Variants in PLAC1 observed in about 807,000 individuals in gnomAD.
The protein encoded by PLAC1 is placenta-specific protein 1.
For synonymous variants in PLAC1, 68 were observed against 62.1 expected (o/e 1.09, Z -0.44); for missense variants, 136 against 163.2 (o/e 0.83, Z 0.91).
At chrX:134,762,914 C>T (rs2078774042) in intron 1 of PLAC1, among the ~76,000 whole-genome samples, 1 of 101,343 alleles carries the variant, frequency 9.9e-6, no homozygotes, top group Admixed American at 1.1e-4. Context: ...TAGATGAAAA[C>T]GCTGAAGGGG....
At chrX:134,579,327 T>C (rs1410881908) in intron 2 of PLAC1, among the ~76,000 whole-genome samples, 1 of 111,322 alleles carries the variant, frequency 9.0e-6, no homozygotes, top group East Asian at 2.8e-4. Context: ...CCTCAGGCCT[T>C]TCCACCAGCC....
At chrX:134,713,393 T>A (rs2078633898) in intron 2 of PLAC1, among the ~76,000 whole-genome samples, 1 of 112,564 alleles carries the variant, frequency 8.9e-6, no homozygotes, top group Admixed American at 9.5e-5. Flanking sequence ...TAGATTTTTA[T>A]TAAAGACTGT....
intron 2 of PLAC1, among the ~76,000 whole-genome samples, chrX:134,714,247 G>T (rs1370683963): frequency 9.1e-6 from 1 of 110,478 alleles, no homozygotes; most frequent in Admixed American, 9.7e-5. Flanking sequence ...TCCAACTTTT[G>T]TATTTTTTGT....
chrX:134,725,324 C>T (rs1250546400), intron 2 of PLAC1, among the ~76,000 whole-genome samples: 1 of 110,960 alleles, frequency 9.0e-6, no homozygotes, highest in African/African-American at 3.3e-5. Flanking sequence ...CCCCTCTCTT[C>T]ACTGGAGTTT....
At chrX:134,631,008 G>A (rs776191331) in intron 1 of PLAC1, among the ~76,000 whole-genome samples, 22 of 111,594 alleles carry the variant, frequency 2.0e-4, no homozygotes, top group Non-Finnish European at 3.0e-4. Context: ...GTCCAGAATA[G>A]GCAAATCCAC....
intron 1 of PLAC1, chrX:134,650,964 A>C (rs148149364): frequency 8.0e-4 from 183 of 228,142 alleles, no homozygotes; most frequent in African/African-American, 5.1e-3. Context: ...GCTGAATATC[A>C]CAGCAGCCAA....
At chrX:134,739,943 G>A (rs1200436212) in intron 1 of PLAC1, among the ~76,000 whole-genome samples, 2 of 112,120 alleles carry the variant, frequency 1.8e-5, no homozygotes, top group East Asian at 5.6e-4. Flanking sequence ...ACAAATACAG[G>A]AATATTCATA....
At chrX:134,737,236 G>A (rs2078705431) in intron 1 of PLAC1, among the ~76,000 whole-genome samples, 1 of 112,240 alleles carries the variant, frequency 8.9e-6, no homozygotes, top group Non-Finnish European at 1.9e-5. Context: ...CTTGTCGTTG[G>A]AACACTCAGA....
chrX:134,632,609 G>T (rs754424974), intron 1 of PLAC1, among the ~76,000 whole-genome samples: 1 of 111,316 alleles, frequency 9.0e-6, no homozygotes, highest in Non-Finnish European at 1.9e-5. Flanking sequence ...GTCCCATCCC[G>T]TCCTGTCCCA....
chrX:134,658,945 C>T (rs1222569153), upstream of PLAC1, among the ~76,000 whole-genome samples: 1 of 111,755 alleles, frequency 8.9e-6, no homozygotes, highest in Non-Finnish European at 1.9e-5. Context: ...CCCCAGTTCT[C>T]TCAAGGAGCC....
rs188732330 is a variant in PLAC1 at position 134,697,795 on chromosome X, G to A, written n.174+35640C>T. 5.8e-3 allele frequency among the ~76,000 whole-genome samples: 648 copies of A among 111,934 alleles called. 7 individuals carry two copies. Among genetic ancestry groups the A allele is most frequent in the African/African-American group, 0.018 (567 of 30,779 alleles). ...AGACAGGAGAATTGCTTGAACCGGG[G>A]CAGCAGAGGTTGCAGTGAGCAGAGA... is the stretch of plus-strand genomic sequence containing the variant. On this transcript the variant is annotated intron_variant and non_coding_transcript_variant, in intron 2 of 2. Transcript: ENST00000466797.
intron 1 of PLAC1, among the ~76,000 whole-genome samples, chrX:134,610,489 A>G (rs993038758): frequency 9.0e-6 from 1 of 111,388 alleles, no homozygotes; most frequent in Non-Finnish European, 1.9e-5. Context: ...TAGACTAGTA[A>G]TGTTAAATCC....
At chrX:134,576,276 C>A (rs1317949531) in intron 2 of PLAC1, among the ~76,000 whole-genome samples, 1 of 109,492 alleles carries the variant, frequency 9.1e-6, no homozygotes, top group Non-Finnish European at 1.9e-5. Context: ...TGGTGGCTCA[C>A]GCCTGTAATC....
chrX:134,567,827 G>A (rs1243924801), intron 2 of PLAC1, among the ~76,000 whole-genome samples: 1 of 98,500 alleles, frequency 1.0e-5, no homozygotes, highest in Non-Finnish European at 2.1e-5. Context: ...AGGGAGGGAG[G>A]GAGGGAGGGA....
At chrX:134,606,510 T>C (rs955296185) in intron 1 of PLAC1, among the ~76,000 whole-genome samples, 2 of 111,494 alleles carry the variant, frequency 1.8e-5, no homozygotes, top group Admixed American at 1.9e-4. Context: ...ATGGCTATAA[T>C]TAAAAAGAAA....
chrX:134,603,746 C>T (rs2078109592), intron 1 of PLAC1, among the ~76,000 whole-genome samples: 2 of 111,159 alleles, frequency 1.8e-5, no homozygotes. Context: ...CCTAATTCTG[C>T]ACTAATTGAT....
intron 2 of PLAC1, among the ~76,000 whole-genome samples, chrX:134,687,514 G>A (rs1212058893): frequency 1.8e-5 from 2 of 109,403 alleles, no homozygotes; most frequent in African/African-American, 6.7e-5. Flanking sequence ...CCTGCTTTAG[G>A]CCATCAGTGG....
Position 134,696,218 on chromosome X carries a change from T to C in PLAC1, n.174+37217A>G, listed in dbSNP as rs765158850. ...GCAATAGCAGAGGGACTTTTGTAACTCAAGGCCAGGAAGGAAATGAGCACT... is the reference window on the plus strand; with the variant it reads ...GCAATAGCAGAGGGACTTTTGTAACCCAAGGCCAGGAAGGAAATGAGCACT... On this transcript the variant is annotated intron_variant and non_coding_transcript_variant, in intron 2 of 2. Coordinates refer to the PLAC1 transcript ENST00000466797. Among the ~76,000 whole-genome samples, 4 of 111,191 alleles carry C rather than the reference T, an allele frequency of 3.6e-5. No homozygotes were observed. In the East Asian group the frequency reaches 1.1e-3, roughly 31 times the overall value.
At chrX:134,740,443 G>C (rs2078714571) in intron 1 of PLAC1, among the ~76,000 whole-genome samples, 1 of 111,546 alleles carries the variant, frequency 9.0e-6, no homozygotes, top group Non-Finnish European at 1.9e-5. Context: ...ACACACAAAA[G>C]AGTATGGCCT....
Sources: gnomAD v4.1 joint callset for allele counts (sites outside exome capture counted in the v4.1 genomes callset) on GRCh38, gnomAD v4.1.1 for gene constraint, MANE v1.5 for transcripts, NCBI Gene and HGNC (gene_info 2026-07-23, HGNC 2026-07-21) for gene names.